Variants in CWF19L2 observed in about 807,000 individuals in gnomAD.
The protein encoded by CWF19L2 is CWF19 like cell cycle control factor 2.
CWF19L2 carries 98 observed loss-of-function variants against 111.7 expected under a neutral mutation model. The observed-to-expected ratio is 0.88, with a 90% CI of 0.75 to 1.04. The LOEUF is 1.04. CWF19L2 is among the 50% of genes least tolerant of loss of function. CWF19L2 has a pLI of 0.00. For missense variants in CWF19L2, 1,101 were observed against 1,051.4 expected (o/e 1.05, Z -0.65); for synonymous variants, 351 against 342.9 (o/e 1.02, Z -0.26).
intron 12 of CWF19L2, among the ~76,000 whole-genome samples, chr11:107,363,253 G>T (rs868218138): frequency 6.6e-6 from 1 of 152,134 alleles, no homozygotes; most frequent in South Asian, 2.1e-4. Flanking sequence ...CACTCTGCGG[G>T]ATATTATCCA....
At position 107,405,942 on chromosome 11, in the gene CWF19L2, A is replaced by G. The variant is rs965712452; in HGVS notation, c.1617+10267T>C. On this transcript the variant is annotated intron_variant, in intron 10 of 17. Coordinates refer to ENST00000282251, the MANE Select transcript of CWF19L2 (RefSeq NM_152434.3). ...TATACTATTTGGCCTAACAGTATCT[A>G]TTTACTGGATCAAGAGATAACTTAA... is the stretch of plus-strand genomic sequence containing the variant. 4.6e-5 allele frequency among the ~76,000 whole-genome samples: 7 copies of G among 152,238 alleles called. No homozygotes were observed. The East Asian group carries it at 1.3e-3, about 29-fold the overall frequency.
intron 10 of CWF19L2, among the ~76,000 whole-genome samples, chr11:107,396,485 T>C (rs1280547512): frequency 1.3e-5 from 2 of 152,180 alleles, no homozygotes. Context: ...GGATTCTTAT[T>C]TTAAAGGAAG....
chr11:107,361,792 A>G (rs1860342955), intron 12 of CWF19L2, among the ~76,000 whole-genome samples: 1 of 152,170 alleles, frequency 6.6e-6, no homozygotes, highest in African/African-American at 2.4e-5. Flanking sequence ...GGTGTATAGA[A>G]ATGCTACTGG....
intron 16 of CWF19L2, 99 bp from the exon 17 acceptor site, chr11:107,330,118 T>G (rs141889965): frequency 1.7e-6 from 1 of 601,268 alleles, no homozygotes; most frequent in Admixed American, 3.7e-5. Flanking sequence ...ATCTTAAGCA[T>G]TCCTCAAGAC....
chr11:107,420,602 C>T (rs940187574), intron 8 of CWF19L2, among the ~76,000 whole-genome samples: 34 of 152,122 alleles, frequency 2.2e-4, no homozygotes, highest in African/African-American at 8.2e-4. Context: ...GAGTTATGTT[C>T]CAAGACCCTC....
At chr11:107,356,393 G>T (rs1432493175) in intron 12 of CWF19L2, among the ~76,000 whole-genome samples, 1 of 152,060 alleles carries the variant, frequency 6.6e-6, no homozygotes, top group Admixed American at 6.6e-5. Flanking sequence ...ATTACTGAAA[G>T]AATCAGGTAA....
intron 11 of CWF19L2, among the ~76,000 whole-genome samples, chr11:107,390,815 G>A (rs1039478186): frequency 3.9e-5 from 6 of 152,160 alleles, no homozygotes; most frequent in Non-Finnish European, 8.8e-5. Context: ...CTTCCTGGGT[G>A]TGTCTGTGAG....
chr11:107,397,713 G>C (rs1387757978), intron 10 of CWF19L2, among the ~76,000 whole-genome samples: 1 of 152,150 alleles, frequency 6.6e-6, no homozygotes, highest in East Asian at 1.9e-4. Flanking sequence ...AGGCCAACCA[G>C]CACAAAAATG....
At chr11:107,429,488 T>C (rs1565280883) in intron 7 of CWF19L2, 37 bp from the exon 8 acceptor site, 4 of 1,465,858 alleles carry the variant, frequency 2.7e-6, no homozygotes, top group Non-Finnish European at 3.6e-6. Context: ...TATCTAAAAT[T>C]AGGAACGGCT....
intron 16 of CWF19L2, among the ~76,000 whole-genome samples, chr11:107,330,644 C>CCACACA (rs56313409): frequency 5.8e-4 from 70 of 121,724 alleles, no homozygotes; most frequent in South Asian, 2.4e-3. Flanking sequence ...ACCCCCCCCA[C>CCACACA]CACACACACA....
chr11:107,330,637 C>A, intron 16 of CWF19L2, among the ~76,000 whole-genome samples: 1 of 132,912 alleles, frequency 7.5e-6, no homozygotes, highest in Non-Finnish European at 1.6e-5. Context: ...TACACACACC[C>A]CCCCCACCAC....
intron 12 of CWF19L2, among the ~76,000 whole-genome samples, chr11:107,369,663 T>C (rs1230073063): frequency 7.2e-6 from 1 of 138,030 alleles, no homozygotes; most frequent in Non-Finnish European, 1.6e-5. Context: ...AGGACACTGA[T>C]TCCATACATT....
chr11:107,334,811 T>C lies in CWF19L2; in HGVS notation c.2439+70A>G, dbSNP rs566938469. On this transcript the variant is annotated intron_variant, in intron 16 of 17. Transcript: ENST00000282251. The stretch of plus-strand genomic sequence containing the variant: ...TCAACCAAATGGTCCCTTTGTCAAC[T>C]AAGACATGGAAATTAATAAAGATCC... 10 of 989,442 alleles carry C rather than the reference T, an allele frequency of 1.0e-5. No homozygotes were observed. The East Asian group carries it at 1.9e-4, about 19-fold the overall frequency. 61.3% of individuals were successfully genotyped at this position (989,442 alleles called of 1,614,324 possible). A position where few individuals can be genotyped will look rare whatever the true frequency, so the allele number is the denominator to read the frequency against.
At chr11:107,357,431 A>G (rs1050086459) in intron 12 of CWF19L2, among the ~76,000 whole-genome samples, 4 of 152,258 alleles carry the variant, frequency 2.6e-5, no homozygotes, top group Admixed American at 2.0e-4. Context: ...TTGTGCCTTC[A>G]TATGATATAG....
chr11:107,352,316 A>T (rs78677509), intron 13 of CWF19L2, among the ~76,000 whole-genome samples: 2,667 of 151,726 alleles, frequency 0.018, 58 homozygotes, highest in African/African-American at 0.06. Flanking sequence ...CTGCATTAAA[A>T]CTGATCTGGT....
chr11:107,446,410 C>T (rs1248358669), intron 3 of CWF19L2, among the ~76,000 whole-genome samples: 1 of 152,206 alleles, frequency 6.6e-6, no homozygotes, highest in Non-Finnish European at 1.5e-5. Flanking sequence ...CCTTTATTTG[C>T]CTAATGCTTA....
Position 107,334,954 on chromosome 11 carries a change from A to G in CWF19L2, c.2366T>C (p.Ile789Thr), listed in dbSNP as rs1391136022. Residue 789 changes from isoleucine to threonine, a missense_variant, in exon 16 of 18, where the codon ATA (isoleucine) becomes ACA (threonine). By Grantham distance (89) the Ile-to-Thr change is moderately conservative. Coordinates refer to ENST00000282251, the MANE Select transcript of CWF19L2 (RefSeq NM_152434.3). ...DMAPIYFKKA[I>T]MESDEEWSMN... ...GGACCACTCTTCATCAGATTCCATT[A>G]TGGCTTTCTAAGAAATATCCATTTG... 6.3e-7 allele frequency: 1 copy of G among 1,594,806 alleles called. No individual in the cohort carries two copies. Among genetic ancestry groups the G allele is most frequent in the Non-Finnish European group, 8.6e-7 (1 of 1,163,574 alleles).
In CWF19L2 at chr11:107,392,854, C is replaced by A. The variant is rs957580112; in HGVS notation, c.1659G>T (p.Gln553His). The change falls in exon 11 of 18, where the codon CAG (glutamine) becomes CAT (histidine). Residue 553 changes from glutamine (Q) to histidine (H), a missense_variant. By Grantham distance (24) the Gln-to-His change is conservative (BLOSUM62 0). Transcript: ENST00000282251. ...QQEVILVRTD[Q>H]SGRVWPVNTP... ...TGTTCACAGGCCATACTCTTCCAGA[C>A]TGATCTGTTCTGACAAGGATTACTT... is the stretch of plus-strand genomic sequence containing the variant. 3 of 1,585,608 alleles carry A rather than the reference C, an allele frequency of 1.9e-6. No homozygotes were observed. The highest frequency in any genetic ancestry group is 1.7e-4 in the Middle Eastern group (1 of 5,998).
At chr11:107,336,337 G>A (rs923151596) in intron 15 of CWF19L2, among the ~76,000 whole-genome samples, 1 of 152,078 alleles carries the variant, frequency 6.6e-6, no homozygotes, top group African/African-American at 2.4e-5. Flanking sequence ...AGTGAAGATG[G>A]GGTTTTATCA....
Sources: gnomAD v4.1 joint callset for allele counts (sites outside exome capture counted in the v4.1 genomes callset) on GRCh38, gnomAD v4.1.1 for gene constraint, MANE v1.5 for transcripts, NCBI Gene and HGNC (gene_info 2026-07-23, HGNC 2026-07-21) for gene names.